The following STK3 variants were observed in gnomAD, a reference collection of about 807,000 sequenced individuals.
The protein encoded by STK3 is serine/threonine kinase 3.
Under a neutral mutation model 58.0 loss-of-function variants are expected in STK3, and 41 were observed. The observed-to-expected ratio is 0.71, with a 90% CI of 0.55 to 0.92. The LOEUF is 0.92. Ranked by LOEUF, STK3 falls within the 40% of genes least tolerant of loss-of-function variation. STK3 has a pLI of 0.00. For synonymous variants in STK3, 170 were observed against 191.0 expected, an observed-to-expected ratio of 0.89 and a Z score of 0.91; for missense variants, 479 against 602.7, an observed-to-expected ratio of 0.79 and a Z score of 2.15.
intron 3 of STK3, among the ~76,000 whole-genome samples, chr8:98,752,149 A>C (rs1830026499): frequency 6.6e-6 from 1 of 152,164 alleles, no homozygotes; most frequent in African/African-American, 2.4e-5. Context: ...AGGCAATCCT[A>C]AGCAAAAAGA....
At chr8:98,764,477 G>A (rs1048673532) in intron 3 of STK3, among the ~76,000 whole-genome samples, 1 of 152,196 alleles carries the variant, frequency 6.6e-6, no homozygotes, top group Non-Finnish European at 1.5e-5. Flanking sequence ...ATTTCAGAAG[G>A]AAAATCTACA....
At chr8:98,521,291 T>G (rs548567954) in intron 10 of STK3, among the ~76,000 whole-genome samples, 17 of 152,250 alleles carry the variant, frequency 1.1e-4, no homozygotes, top group Admixed American at 5.9e-4. Context: ...CCTTTCCAAC[T>G]GTGAGAACAT....
chr8:98,719,770 C>A (rs951223016), intron 4 of STK3, among the ~76,000 whole-genome samples: 1 of 152,170 alleles, frequency 6.6e-6, no homozygotes, highest in Non-Finnish European at 1.5e-5. Flanking sequence ...TGGATATACA[C>A]GGACAGGGAA....
chr8:98,586,874 T>C (rs1388234046), intron 7 of STK3, among the ~76,000 whole-genome samples: 3 of 151,988 alleles, frequency 2.0e-5, no homozygotes, highest in Non-Finnish European at 4.4e-5. Flanking sequence ...GATTTTCTAG[T>C]TTATTTGCGT....
intron 1 of STK3, among the ~76,000 whole-genome samples, chr8:98,381,778 C>T (rs1446838385): frequency 1.3e-5 from 2 of 152,198 alleles, no homozygotes; most frequent in African/African-American, 2.4e-5. Context: ...GGATCCAGCC[C>T]AGTGCTCCCT....
intron 6 of STK3, among the ~76,000 whole-genome samples, chr8:98,617,461 T>C (rs1229697200): frequency 7.4e-6 from 1 of 135,202 alleles, no homozygotes; most frequent in South Asian, 2.6e-4. Context: ...ATAACTAAAA[T>C]CAGAGCAGAA....
intron 3 of STK3, among the ~76,000 whole-genome samples, chr8:98,876,150 G>C (rs1170130847): frequency 6.6e-6 from 1 of 152,198 alleles, no homozygotes; most frequent in African/African-American, 2.4e-5. Flanking sequence ...CAACATGGGA[G>C]CAGCTGTTCC....
chr8:98,666,189 T>TA (rs780894377), intron 6 of STK3, among the ~76,000 whole-genome samples: 1,916 of 136,714 alleles, frequency 0.014, 24 homozygotes, highest in African/African-American at 0.032. Flanking sequence ...TTTGTAAATG[T>TA]AAAAAAAAAA....
At chr8:98,569,243 G>C (rs1179865132) in intron 8 of STK3, among the ~76,000 whole-genome samples, 2 of 152,010 alleles carry the variant, frequency 1.3e-5, no homozygotes, top group African/African-American at 4.8e-5. Context: ...GATATGCAAT[G>C]ACTGAAAAAA....
intron 10 of STK3, among the ~76,000 whole-genome samples, chr8:98,480,838 A>G (rs1343002002): frequency 6.6e-6 from 1 of 152,238 alleles, no homozygotes; most frequent in African/African-American, 2.4e-5. Flanking sequence ...CTCTTGCCTC[A>G]AAATTGGTGG....
At chr8:98,820,203 C>T (rs1027188251) in intron 1 of STK3, among the ~76,000 whole-genome samples, 3 of 152,106 alleles carry the variant, frequency 2.0e-5, no homozygotes, top group African/African-American at 7.2e-5. Context: ...TGACTTCAAC[C>T]TTCAATTTTA....
intron 1 of STK3, among the ~76,000 whole-genome samples, chr8:98,932,558 AGT>A (rs1340052194): frequency 6.6e-6 from 1 of 152,250 alleles, no homozygotes; most frequent in Non-Finnish European, 1.5e-5. Flanking sequence ...ATCAGAGGAA[AGT>A]GATTTAAAAG....
intron 3 of STK3, among the ~76,000 whole-genome samples, chr8:98,870,204 A>G (rs1411342834): frequency 6.6e-6 from 1 of 152,192 alleles, no homozygotes; most frequent in Non-Finnish European, 1.5e-5. Flanking sequence ...ATAGTATTCC[A>G]TGGTGTATGT....
At chr8:98,805,650 A>G (rs1204226721) in intron 1 of STK3, among the ~76,000 whole-genome samples, 1 of 152,206 alleles carries the variant, frequency 6.6e-6, no homozygotes, top group East Asian at 1.9e-4. Context: ...TGTATGTTAC[A>G]TAAGAAATAG....
chr8:98,881,179 A>C (rs1024977090), downstream of STK3: 3 of 152,228 alleles, frequency 2.0e-5, no homozygotes, highest in African/African-American at 7.2e-5. Flanking sequence ...ATACAATGGA[A>C]TATTATTCAG....
intron 3 of STK3, among the ~76,000 whole-genome samples, chr8:98,837,927 G>T (rs2131800394): frequency 6.6e-6 from 1 of 151,998 alleles, no homozygotes; most frequent in Admixed American, 6.5e-5. Context: ...GCAAGACCCT[G>T]TCTAAAAATA....
intron 6 of STK3, among the ~76,000 whole-genome samples, chr8:98,666,048 C>G (rs984289508): frequency 1.3e-5 from 2 of 152,122 alleles, no homozygotes; most frequent in Non-Finnish European, 2.9e-5. Flanking sequence ...CTTCCAGTCC[C>G]TTTTAAATGA....
chr8:98,847,972 A>C (rs757943475), intron 3 of STK3, among the ~76,000 whole-genome samples: 3 of 152,158 alleles, frequency 2.0e-5, no homozygotes, highest in Non-Finnish European at 4.4e-5. Context: ...CCACAGAGCT[A>C]TATGTCATTC....
chr8:98,711,952 A>C (rs1826493168), intron 4 of STK3, among the ~76,000 whole-genome samples: 1 of 152,246 alleles, frequency 6.6e-6, no homozygotes. Context: ...GAAACTCTAC[A>C]AGCCAGAAGA....
Sources: gnomAD v4.1 joint callset for allele counts (sites outside exome capture counted in the v4.1 genomes callset) on GRCh38, gnomAD v4.1.1 for gene constraint, MANE v1.5 for transcripts, NCBI Gene and HGNC (gene_info 2026-07-23, HGNC 2026-07-21) for gene names.